Variants in ANKRD27 observed in about 807,000 individuals in gnomAD.
ANKRD27 encodes ankyrin repeat domain 27.
Under a neutral mutation model 129.7 loss-of-function variants are expected in ANKRD27, and 112 were observed. The ratio of observed to expected loss-of-function variants is 0.86; its 90% CI spans 0.74 to 1.01. ANKRD27 has a LOEUF of 1.01. Among genes scored for constraint, ANKRD27 ranks in the 50% least tolerant of loss-of-function variants. The pLI, the probability that ANKRD27 is intolerant of heterozygous loss-of-function variation, is 0.00. For missense variants in ANKRD27, 1,258 were observed against 1,300.5 expected, an observed-to-expected ratio of 0.97 and a Z score of 0.50; for synonymous variants, 516 against 511.2, an observed-to-expected ratio of 1.01 and a Z score of -0.13.
intron 3 of ANKRD27, 128 bp downstream of exon 3, chr19:32,649,554 G>A: frequency 1.4e-6 from 1 of 718,584 alleles, no homozygotes; most frequent in South Asian, 1.6e-5. Context: ...CCCCCCACGG[G>A]GCTGCAGTGT....
At chr19:32,636,199 C>A in intron 12 of ANKRD27, 1 of 160,344 alleles carries the variant, frequency 6.2e-6, no homozygotes, top group East Asian at 1.7e-4. Context: ...GCTGCCAAAG[C>A]CTCAGACGAC....
At chr19:32,605,353 G>C (rs1971715877) in intron 24 of ANKRD27, among the ~76,000 whole-genome samples, 1 of 152,188 alleles carries the variant, frequency 6.6e-6, no homozygotes, top group Non-Finnish European at 1.5e-5. Flanking sequence ...GGGCCACAGA[G>C]CAAGACCTTG....
rs535539851 is a variant in ANKRD27 at position 32,673,296 on chromosome 19, G to A, written c.-31+1775C>T. ...TTCCTGTCCCTATGGCTGGTCAGAA[G>A]AAGTCTCTGCTCCTGCTCCCATCCT... On this transcript the variant is annotated intron_variant, in intron 1 of 28. Transcript: ENST00000306065. The A allele has an allele frequency of 2.6e-5, 26 of 985,658 alleles. No homozygotes were observed. In the East Asian group the frequency reaches 2.4e-3, roughly 90 times the overall value. 61.1% of individuals were successfully genotyped at this position (985,658 alleles called of 1,614,324 possible). A position where few individuals can be genotyped will look rare whatever the true frequency, so the allele number is the denominator to read the frequency against.
intron 23 of ANKRD27, among the ~76,000 whole-genome samples, chr19:32,606,939 C>CAAAAAAAAAAAAAAAAAAAAAAAAAAAA (rs532062312): frequency 4.6e-5 from 3 of 65,648 alleles, no homozygotes; most frequent in African/African-American, 1.2e-4. Context: ...CCCATCTCCA[C>CAAAAAAAAAAAAAAAAAAAAAAAAAAAA]AAAAAAAAAA....
At chr19:32,619,593 TG>T (rs1370000148) in intron 18 of ANKRD27, 40 bp from the exon 19 acceptor site, 5 of 1,608,978 alleles carry the variant, frequency 3.1e-6, no homozygotes, top group South Asian at 1.1e-5. Context: ...CCCCGTGAGA[TG>T]GGGGTCGTCT....
intron 2 of ANKRD27, among the ~76,000 whole-genome samples, 187 bp downstream of exon 2, chr19:32,658,727 A>G (rs968420204): frequency 6.6e-6 from 1 of 152,220 alleles, no homozygotes; most frequent in African/African-American, 2.4e-5. Flanking sequence ...CCTGGACTGC[A>G]GTCCCAGAAG....
intron 2 of ANKRD27, among the ~76,000 whole-genome samples, chr19:32,656,103 G>GAAAGAAAGAAAGAAAAGA (rs1555747136): frequency 1.4e-3 from 177 of 123,412 alleles, no homozygotes; most frequent in Admixed American, 1.6e-3. Context: ...AAGAAAGAAA[G>GAAAGAAAGAAAGAAAAGA]AAAGAAAAGA....
chr19:32,670,242 T>C (rs1967842153), intron 1 of ANKRD27, among the ~76,000 whole-genome samples: 1 of 152,246 alleles, frequency 6.6e-6, no homozygotes, highest in Admixed American at 6.5e-5. Flanking sequence ...ATCTGCTTTA[T>C]CTTGGACCTC....
intron 2 of ANKRD27, among the ~76,000 whole-genome samples, chr19:32,656,058 G>GAAAAGAAAGAAAGAA (rs1967514066): frequency 1.0e-4 from 3 of 29,070 alleles, no homozygotes; most frequent in Non-Finnish European, 2.9e-4. Flanking sequence ...AGAAAAGAAA[G>GAAAAGAAAGAAAGAA]AAAAGAAAGA....
chr19:32,615,855 A>G (rs414496), intron 21 of ANKRD27, 75 bp from the exon 22 acceptor site: 304,803 of 1,547,882 alleles, frequency 0.2, 45,153 homozygotes, highest in African/African-American at 0.71. Flanking sequence ...AACACACACC[A>G]TCAACCGTTC....
chr19:32,643,886 T>C (rs1312742577), intron 5 of ANKRD27: 15 of 528,230 alleles, frequency 2.8e-5, no homozygotes, highest in Non-Finnish European at 5.1e-5. Context: ...TTGTTTTTTC[T>C]TTTTAAGAGA....
intron 1 of ANKRD27, among the ~76,000 whole-genome samples, chr19:32,670,220 C>T (rs259278): frequency 0.68 from 103,185 of 152,092 alleles, 35,421 homozygotes; most frequent in Non-Finnish European, 0.72. Flanking sequence ...TGCTGTTATC[C>T]AGCCCCAAGT....
intron 21 of ANKRD27, 27 bp from the exon 22 acceptor site, chr19:32,615,807 G>T (rs1971908764): frequency 6.2e-7 from 1 of 1,605,248 alleles, no homozygotes; most frequent in African/African-American, 1.3e-5. Flanking sequence ...ACGGAAACAG[G>T]AACACATCCT....
At chr19:32,603,738 T>G (rs931663389) in intron 25 of ANKRD27, among the ~76,000 whole-genome samples, 3 of 152,104 alleles carry the variant, frequency 2.0e-5, no homozygotes, top group Non-Finnish European at 4.4e-5. Flanking sequence ...GGGGTCTCAC[T>G]ATGTTGCCCA....
At chr19:32,662,720 C>T (rs1967669599) in intron 1 of ANKRD27, among the ~76,000 whole-genome samples, 1 of 151,754 alleles carries the variant, frequency 6.6e-6, no homozygotes, top group African/African-American at 2.4e-5. Context: ...CCAGCCTAGG[C>T]AACAGAGTGA....
chr19:32,651,936 T>C lies in ANKRD27; in HGVS notation c.103-2144A>G, dbSNP rs540406178. Among the ~76,000 whole-genome samples, 687 of 152,294 alleles carry C rather than the reference T, an allele frequency of 4.5e-3. 2 individuals are homozygous for C. Among genetic ancestry groups the C allele is most frequent in the Non-Finnish European group, 7.3e-3 (499 of 68,032 alleles). ...TAAAAAGGAGCTCTAGTTCCTCCTA[T>C]GCCAAGAAAGAGAGAGGCCCCTGCT... On this transcript the variant is annotated intron_variant, in intron 2 of 28. Transcript: ENST00000306065.
intron 2 of ANKRD27, among the ~76,000 whole-genome samples, chr19:32,651,039 C>T (rs539556701): frequency 6.6e-6 from 1 of 152,160 alleles, no homozygotes; most frequent in East Asian, 1.9e-4. Flanking sequence ...GCCACTGTGC[C>T]TGGTCCATTG....
At chr19:32,669,662 C>T (rs1967828395) in intron 1 of ANKRD27, among the ~76,000 whole-genome samples, 1 of 152,026 alleles carries the variant, frequency 6.6e-6, no homozygotes, top group South Asian at 2.1e-4. Flanking sequence ...CTTCCATGGA[C>T]GAACTAAAAA....
Position 32,598,382 on chromosome 19 carries a change from A to G in ANKRD27, c.2920-4T>C. 6.2e-7 allele frequency: 1 copy of G among 1,613,994 alleles called. No homozygotes were observed. The highest frequency in any genetic ancestry group is 8.5e-7 in the Non-Finnish European group (1 of 1,179,894). On this transcript the variant is annotated splice_region_variant and splice_polypyrimidine_tract_variant and intron_variant, in intron 28 of 28. Coordinates refer to ENST00000306065, the MANE Select transcript of ANKRD27 (RefSeq NM_032139.3). ...GTGTGACACTTTGCCTCCCTGGCTA[A>G]AGAAAAAGTACATTTTTAACCGTTG...
Sources: gnomAD v4.1 joint callset for allele counts (sites outside exome capture counted in the v4.1 genomes callset) on GRCh38, gnomAD v4.1.1 for gene constraint, MANE v1.5 for transcripts, NCBI Gene and HGNC (gene_info 2026-07-23, HGNC 2026-07-21) for gene names.